Variants in PCLO observed in about 807,000 individuals in gnomAD.
PCLO encodes piccolo presynaptic cytomatrix protein.
A neutral mutation model predicts 427.5 loss-of-function variants in PCLO; 82 were observed. The ratio of observed to expected loss-of-function variants is 0.19; its 90% CI spans 0.16 to 0.23. The LOEUF is 0.23. PCLO is among the 10% of genes least tolerant of loss of function. PCLO has a pLI of 1.00. For missense variants in PCLO, 6,239 were observed against 6,115.9 expected (o/e 1.02, Z -0.67); for synonymous variants, 2,357 against 2,155.4 (o/e 1.09, Z -2.59).
intron 22 of PCLO, among the ~76,000 whole-genome samples, chr7:82,773,299 G>A (rs1481678322): frequency 6.6e-6 from 1 of 152,168 alleles, no homozygotes; most frequent in Admixed American, 6.5e-5. Flanking sequence ...CTGTAAGTGA[G>A]AAGCTACCAA....
chr7:82,821,175 G>C (rs1439132054), intron 20 of PCLO: 3 of 999,032 alleles, frequency 3.0e-6, no homozygotes, highest in Non-Finnish European at 3.6e-6. Context: ...CTTTGGTCTT[G>C]GTTGCCATTG....
chr7:83,136,409 T>C (rs1791730995), intron 2 of PCLO, among the ~76,000 whole-genome samples: 1 of 152,174 alleles, frequency 6.6e-6, no homozygotes, highest in South Asian at 2.1e-4. Flanking sequence ...AGTTATTTTC[T>C]CTATTGATGG....
At chr7:82,799,486 G>A (rs1349805439) in intron 22 of PCLO, among the ~76,000 whole-genome samples, 1 of 152,166 alleles carries the variant, frequency 6.6e-6, no homozygotes, top group Middle Eastern at 3.2e-3. Flanking sequence ...TGGGGAGAGG[G>A]TGAATTAAGT....
intron 16 of PCLO, among the ~76,000 whole-genome samples, chr7:82,832,529 A>AT (rs1792120926): frequency 1.3e-5 from 2 of 151,952 alleles, no homozygotes; most frequent in South Asian, 2.1e-4. Context: ...CTGGTGGTTT[A>AT]TTTTTTTATT....
At chr7:83,085,308 C>T (rs1259092390) in intron 3 of PCLO, among the ~76,000 whole-genome samples, 1 of 152,062 alleles carries the variant, frequency 6.6e-6, no homozygotes, top group African/African-American at 2.4e-5. Context: ...TTACTATGCA[C>T]CAACTGTTGT....
chr7:82,769,367 C>CT lies in PCLO; in HGVS notation c.15008-7875dup, dbSNP rs531393783. Among the ~76,000 whole-genome samples the CT allele has an allele frequency of 4.1e-3, 627 of 151,928 alleles. 2 individuals carry two copies. Among genetic ancestry groups the CT allele is most frequent in the Middle Eastern group, 0.014 (4 of 292 alleles). The stretch of plus-strand genomic sequence containing the variant: ...AGATTAAACAATAAACACAGCAATG[C>CT]TTTTTTTTGAAATATTCATCATTAT... On this transcript the variant is annotated intron_variant, in intron 22 of 24. Coordinates refer to ENST00000333891, the MANE Select transcript of PCLO (RefSeq NM_033026.6).
chr7:82,798,334 A>G (rs918890424), intron 22 of PCLO, among the ~76,000 whole-genome samples: 2 of 152,170 alleles, frequency 1.3e-5, no homozygotes, highest in Non-Finnish European at 2.9e-5. Flanking sequence ...GAAAAATACA[A>G]TAAAAGAACT....
intron 20 of PCLO, among the ~76,000 whole-genome samples, chr7:82,813,037 TACATC>T (rs548914773): frequency 3.3e-5 from 5 of 151,712 alleles, no homozygotes; most frequent in Non-Finnish European, 7.4e-5. Flanking sequence ...TGTGAGAACT[TACATC>T]ACGACTGCTT....
At chr7:82,863,523 A>C (rs1385951795) in intron 10 of PCLO, among the ~76,000 whole-genome samples, 3 of 151,996 alleles carry the variant, frequency 2.0e-5, no homozygotes, top group African/African-American at 7.2e-5. Flanking sequence ...TCCATTTGAA[A>C]AGTTATCAAT....
At chr7:83,053,442 T>C (rs1261744255) in intron 3 of PCLO, among the ~76,000 whole-genome samples, 4 of 151,820 alleles carry the variant, frequency 2.6e-5, no homozygotes, top group African/African-American at 4.8e-5. Flanking sequence ...GGACATAAAA[T>C]GTGCCCATCA....
intron 1 of PCLO, among the ~76,000 whole-genome samples, chr7:83,158,771 GAA>G (rs1240790922): frequency 1.3e-5 from 2 of 151,888 alleles, no homozygotes; most frequent in Non-Finnish European, 2.9e-5. Flanking sequence ...ATCCCCATCA[GAA>G]AATAGGCATA....
intron 20 of PCLO, chr7:82,820,534 C>T: frequency 3.3e-6 from 4 of 1,223,814 alleles, no homozygotes; most frequent in Non-Finnish European, 4.1e-6. Context: ...GATTCACATG[C>T]CCAACACATC....
intron 7 of PCLO, among the ~76,000 whole-genome samples, chr7:82,912,850 T>G (rs995724702): frequency 6.6e-6 from 1 of 152,080 alleles, no homozygotes; most frequent in Non-Finnish European, 1.5e-5. Context: ...TCTATGATGA[T>G]AAATCAAACT....
At chr7:82,761,545 T>C (rs1242576394) in intron 22 of PCLO, 52 bp from the exon 23 acceptor site, 2 of 1,357,318 alleles carry the variant, frequency 1.5e-6, no homozygotes, top group African/African-American at 1.4e-5. Context: ...ATATATGAAA[T>C]GTTTAGTTCA....
chr7:82,951,969 G>A lies in PCLO; in HGVS notation c.8984C>T (p.Ser2995Phe). ...RGIGGMKPSM[S>F]DTNLAEAGHF... The stretch of plus-strand genomic sequence containing the variant: ...TCCAGCTTCTGCTAAATTTGTGTCA[G>A]ACATGGAAGGCTTCATTCCCCCAAT... Residue 2995 changes from serine to phenylalanine, a missense_variant, in exon 5 of 25, where the codon TCT becomes TTT. By Grantham distance (155) the Ser-to-Phe change is radical (BLOSUM62 -2). Transcript: ENST00000333891. The A allele has an allele frequency of 6.2e-7, 1 of 1,613,874 alleles. No homozygotes were observed. Among genetic ancestry groups the A allele is most frequent in the Non-Finnish European group, 8.5e-7 (1 of 1,179,834 alleles).
intron 22 of PCLO, among the ~76,000 whole-genome samples, chr7:82,793,334 T>G (rs1260464118): frequency 6.6e-6 from 1 of 152,214 alleles, no homozygotes; most frequent in East Asian, 1.9e-4. Context: ...GACGCTCAGG[T>G]GAAGATGCAA....
chr7:82,876,144 A>G (rs960764905), intron 10 of PCLO, among the ~76,000 whole-genome samples: 4 of 152,108 alleles, frequency 2.6e-5, no homozygotes, highest in African/African-American at 9.7e-5. Flanking sequence ...ACATAAACAC[A>G]TCATCTATTT....
At chr7:82,903,042 G>C (rs1794089033) in intron 8 of PCLO, among the ~76,000 whole-genome samples, 1 of 151,974 alleles carries the variant, frequency 6.6e-6, no homozygotes, top group African/African-American at 2.4e-5. Context: ...ACAGTAGTAT[G>C]CAGTCAATAT....
At chr7:82,923,556 T>A (rs758767442) in intron 6 of PCLO, among the ~76,000 whole-genome samples, 9 of 152,120 alleles carry the variant, frequency 5.9e-5, no homozygotes, top group Non-Finnish European at 1.0e-4. Context: ...TCACTGACAA[T>A]GATTTCTAAT....
Sources: allele counts gnomAD v4.1 joint callset (sites outside exome capture counted in the v4.1 genomes callset), GRCh38; gene constraint gnomAD v4.1.1; transcripts MANE v1.5; gene names NCBI Gene and HGNC (gene_info 2026-07-23, HGNC 2026-07-21).